The following FARP1 variants were observed in gnomAD, a reference collection of about 807,000 sequenced individuals.
FARP1 encodes the protein FERM, ARHGEF and pleckstrin domain-containing protein 1.
Under a neutral mutation model 128.8 loss-of-function variants are expected in FARP1, and 52 were observed. That is an observed-to-expected ratio of 0.40 (90% CI 0.32 to 0.51). FARP1 has a LOEUF of 0.51. Ranked by LOEUF, FARP1 falls within the 20% of genes least tolerant of loss-of-function variation. The probability of loss-of-function intolerance (pLI) is 0.45; values close to 1 mark genes in which losing one functional copy is unlikely to be tolerated. For synonymous variants in FARP1, 580 were observed against 551.8 expected (o/e 1.05, Z -0.72); for missense variants, 1,333 against 1,367.9 (o/e 0.97, Z 0.40).
At chr13:98,241,113 G>A (rs375391503) in intron 2 of FARP1, among the ~76,000 whole-genome samples, 68 of 152,328 alleles carry the variant, frequency 4.5e-4, no homozygotes, top group African/African-American at 1.6e-3. Flanking sequence ...TGGGGTGAAC[G>A]AAATTCTTAA....
At chr13:98,367,834 A>T (rs1203641141) in intron 4 of FARP1, among the ~76,000 whole-genome samples, 3 of 152,248 alleles carry the variant, frequency 2.0e-5, no homozygotes, top group Admixed American at 1.3e-4. Flanking sequence ...ACTTTATTTT[A>T]AAAAACCTAG....
At chr13:98,309,823 C>T (rs1193841956) in intron 2 of FARP1, among the ~76,000 whole-genome samples, 5 of 152,224 alleles carry the variant, frequency 3.3e-5, no homozygotes, top group African/African-American at 1.2e-4. Context: ...TGGGTGAACG[C>T]TTGCATTGTT....
At chr13:98,237,910 G>T (rs6491410) in intron 2 of FARP1, among the ~76,000 whole-genome samples, 14,219 of 152,018 alleles carry the variant, frequency 0.094, 1,605 homozygotes, top group East Asian at 0.45. Context: ...TGCTTTTTGC[G>T]AAATGCTGTT....
chr13:98,253,276 C>T (rs567062710), intron 2 of FARP1, among the ~76,000 whole-genome samples: 13 of 152,314 alleles, frequency 8.5e-5, no homozygotes, highest in African/African-American at 2.6e-4. Context: ...TCTCTTAACC[C>T]ACTGCTGGGG....
chr13:98,405,648 A>G (rs1890943310), intron 13 of FARP1: 1 of 152,226 alleles, frequency 6.6e-6, no homozygotes, highest in South Asian at 2.1e-4. Context: ...AAAACATTCA[A>G]AGCCTCCAGA....
At chr13:98,200,210 T>C (rs1468840564) in intron 1 of FARP1, among the ~76,000 whole-genome samples, 1 of 152,186 alleles carries the variant, frequency 6.6e-6, no homozygotes, top group Admixed American at 6.5e-5. Context: ...GTGCAAAACA[T>C]GGCAGAGTGT....
At chr13:98,436,253 G>A (rs1892263474) in intron 19 of FARP1, among the ~76,000 whole-genome samples, 1 of 152,076 alleles carries the variant, frequency 6.6e-6, no homozygotes. Context: ...CCAGCCCCCT[G>A]CCTGAGATGC....
intron 6 of FARP1, among the ~76,000 whole-genome samples, chr13:98,380,403 G>A (rs1398274137): frequency 6.6e-6 from 1 of 151,160 alleles, no homozygotes; most frequent in Non-Finnish European, 1.5e-5. Flanking sequence ...CTCCAGCCTG[G>A]GCGACAGAGT....
chr13:98,321,320 C>G lies in FARP1; in HGVS notation c.172-22442C>G, dbSNP rs1886983010. Among the ~76,000 whole-genome samples, 3 of 152,304 alleles carry G rather than the reference C, an allele frequency of 2.0e-5. No homozygotes were observed. The South Asian group carries it at 6.2e-4, about 32-fold the overall frequency. ...GATCATCTCATGGCCAATGAGTTAA[C>G]TTGTTGAAAGTCTTGAGTCCAGGCT... is the stretch of plus-strand genomic sequence containing the variant. On this transcript the variant is annotated intron_variant, in intron 2 of 26. Transcript: ENST00000319562.
chr13:98,218,981 G>A (rs1421712246), intron 2 of FARP1, among the ~76,000 whole-genome samples: 1 of 152,114 alleles, frequency 6.6e-6, no homozygotes, highest in Non-Finnish European at 1.5e-5. Context: ...GACCTAATTA[G>A]GAGTGTTACA....
At chr13:98,292,995 A>G (rs1202936024) in intron 2 of FARP1, among the ~76,000 whole-genome samples, 1 of 143,970 alleles carries the variant, frequency 6.9e-6, no homozygotes, top group Non-Finnish European at 1.5e-5. Context: ...ATTTCAACTC[A>G]TGGGGTAAAT....
At chr13:98,293,256 G>A (rs1000338495) in intron 2 of FARP1, among the ~76,000 whole-genome samples, 1 of 152,152 alleles carries the variant, frequency 6.6e-6, no homozygotes, top group Non-Finnish European at 1.5e-5. Flanking sequence ...CAGGCATGCT[G>A]GATAAATATT....
intron 16 of FARP1, among the ~76,000 whole-genome samples, chr13:98,419,483 T>TAA: frequency 7.1e-6 from 1 of 140,046 alleles, no homozygotes; most frequent in East Asian, 2.2e-4. Flanking sequence ...CAAAAAAAAA[T>TAA]ACACACACAC....
At chr13:98,270,766 A>G (rs1330757909) in intron 2 of FARP1, among the ~76,000 whole-genome samples, 1 of 152,202 alleles carries the variant, frequency 6.6e-6, no homozygotes, top group Non-Finnish European at 1.5e-5. Context: ...GAATTGGGAC[A>G]ACTTAGAAAT....
chr13:98,436,299 C>T (rs1183931777), intron 19 of FARP1, among the ~76,000 whole-genome samples: 1 of 152,216 alleles, frequency 6.6e-6, no homozygotes, highest in Non-Finnish European at 1.5e-5. Context: ...CCCGCACACA[C>T]TCCTTCCAGG....
chr13:98,296,324 C>T (rs1373515713), intron 2 of FARP1, among the ~76,000 whole-genome samples: 4 of 152,154 alleles, frequency 2.6e-5, no homozygotes, highest in Non-Finnish European at 5.9e-5. Context: ...TTGCCGCCAG[C>T]ACATGCGCAC....
intron 13 of FARP1, chr13:98,398,370 C>T (rs1890635121): frequency 6.6e-6 from 1 of 152,100 alleles, no homozygotes; most frequent in Non-Finnish European, 1.5e-5. Flanking sequence ...CTGGAAGGGA[C>T]CTCAGAGGTT....
intron 2 of FARP1, among the ~76,000 whole-genome samples, chr13:98,240,764 G>A (rs937733395): frequency 1.3e-5 from 2 of 152,218 alleles, no homozygotes; most frequent in Non-Finnish European, 2.9e-5. Flanking sequence ...GAGTGGGTTG[G>A]TTTTGTGTCG....
Position 98,388,440 on chromosome 13 carries a change from A to C in FARP1, c.817A>C (p.Arg273=), listed in dbSNP as rs1890181561. The C allele has an allele frequency of 6.2e-7, 1 of 1,613,918 alleles. No individual in the cohort carries two copies. Among genetic ancestry groups the C allele is most frequent in the African/African-American group, 1.3e-5 (1 of 74,920 alleles). Reference sequence around the variant, plus strand: ...CAAGGTGCGGAAGCTGAGCTTCAAGAGGAAGCGCTTTCTCATCAAGCTCCG... The same window carrying C: ...CAAGGTGCGGAAGCTGAGCTTCAAGCGGAAGCGCTTTCTCATCAAGCTCCG... ...WAKVRKLSFK[R]KRFLIKLRPD... The change falls in exon 9 of 27, where the codon AGG becomes CGG. Residue 273 remains arginine (R), a synonymous_variant. Coordinates refer to ENST00000319562, the MANE Select transcript of FARP1 (RefSeq NM_005766.4).
Sources: gnomAD v4.1 joint callset for allele counts (sites outside exome capture counted in the v4.1 genomes callset) on GRCh38, gnomAD v4.1.1 for gene constraint, MANE v1.5 for transcripts, NCBI Gene and HGNC (gene_info 2026-07-23, HGNC 2026-07-21) for gene names.